The following CNTN6 variants were observed in gnomAD, a reference collection of about 807,000 sequenced individuals.
CNTN6 encodes contactin-6.
A neutral mutation model predicts 122.8 loss-of-function variants in CNTN6; 137 were observed. The observed-to-expected ratio is 1.12, with a 90% CI of 0.97 to 1.29. CNTN6 has a LOEUF of 1.29. CNTN6 is among the 50% of genes most tolerant of loss of function. The probability of loss-of-function intolerance (pLI) is 0.00; values close to 1 mark genes in which losing one functional copy is unlikely to be tolerated. For synonymous variants in CNTN6, 570 were observed against 426.0 expected (o/e 1.34, Z -4.16); for missense variants, 1,634 against 1,223.4 (o/e 1.34, Z -5.01).
At chr3:1,162,161 C>T (rs1053381589) in intron 2 of CNTN6, among the ~76,000 whole-genome samples, 5 of 152,128 alleles carry the variant, frequency 3.3e-5, no homozygotes, top group South Asian at 2.1e-4. Flanking sequence ...ACACACAGAA[C>T]TAAAAACAAC....
intron 2 of CNTN6, among the ~76,000 whole-genome samples, chr3:1,169,015 C>T (rs1391580355): frequency 1.3e-5 from 2 of 152,070 alleles, no homozygotes; most frequent in Non-Finnish European, 2.9e-5. Context: ...GCCAAAGTCA[C>T]TCATCCGTGG....
chr3:1,142,968 G>GTGTGTATATATA (rs1217250181), intron 1 of CNTN6, among the ~76,000 whole-genome samples: 8 of 128,658 alleles, frequency 6.2e-5, no homozygotes, highest in African/African-American at 2.2e-4. Flanking sequence ...GTGTGTGTGT[G>GTGTGTATATATA]TATATATATA....
chr3:1,304,987 C>CAAAAAAAA (rs4065396), intron 7 of CNTN6, among the ~76,000 whole-genome samples: 4 of 103,246 alleles, frequency 3.9e-5, no homozygotes, highest in Non-Finnish European at 5.3e-5. Context: ...GAGACTCTGT[C>CAAAAAAAA]AAAAAAAAAA....
Position 1,318,743 on chromosome 3 carries a change from G to A in CNTN6, c.762-2907G>A, listed in dbSNP as rs373408178. Among the ~76,000 whole-genome samples, 18 of 151,870 alleles carry A rather than the reference G, an allele frequency of 1.2e-4. No individual in the cohort carries two copies. The East Asian group carries it at 1.8e-3, about 15-fold the overall frequency. ...GAGCTGGAGAAGTTATACCCTAGAAGCCAGTCATTTATTGGTTAATGGCTG... is the reference window on the plus strand; with the variant it reads ...GAGCTGGAGAAGTTATACCCTAGAAACCAGTCATTTATTGGTTAATGGCTG... On this transcript the variant is annotated intron_variant, in intron 7 of 22. Transcript: ENST00000446702.
At position 1,337,803 on chromosome 3, in the gene CNTN6, T is replaced by A. The variant is rs79689433; in HGVS notation, c.1364+7868T>A. ...CATGTTGGAGATGTCAAGAGCCATC[T>A]GATAGTCTTGCCTGTTTCACATGAA... is the stretch of plus-strand genomic sequence containing the variant. On this transcript the variant is annotated intron_variant, in intron 11 of 22. Transcript: ENST00000446702. Among the ~76,000 whole-genome samples, 975 of 152,272 alleles carry A rather than the reference T, an allele frequency of 6.4e-3. 6 individuals carry two copies. The highest frequency in any genetic ancestry group is 0.011 in the Non-Finnish European group (779 of 68,016).
At chr3:1,277,198 G>A (rs983007223) in intron 4 of CNTN6, among the ~76,000 whole-genome samples, 1 of 152,074 alleles carries the variant, frequency 6.6e-6, no homozygotes, top group African/African-American at 2.4e-5. Flanking sequence ...ACCACAATTT[G>A]TAAATGATGT....
chr3:1,394,572 T>C (rs1694746711), intron 20 of CNTN6: 1 of 152,322 alleles, frequency 6.6e-6, no homozygotes, highest in Non-Finnish European at 1.5e-5. Flanking sequence ...TTGAAGTCGC[T>C]CTGTATATAT....
chr3:1,172,807 C>G (rs1251456946), intron 2 of CNTN6, among the ~76,000 whole-genome samples: 3 of 152,194 alleles, frequency 2.0e-5, no homozygotes, highest in Non-Finnish European at 4.4e-5. Flanking sequence ...AAGGTTCTAT[C>G]TATAGCCCTG....
intron 17 of CNTN6, 52 bp downstream of exon 17, chr3:1,377,127 A>G (rs765053323): frequency 3.3e-5 from 41 of 1,259,138 alleles, no homozygotes; most frequent in Non-Finnish European, 4.3e-5. Context: ...TTAACTGGCC[A>G]GAAAGAAACT....
chr3:1,338,834 A>G (rs933948646), intron 11 of CNTN6, among the ~76,000 whole-genome samples: 3 of 152,190 alleles, frequency 2.0e-5, no homozygotes, highest in African/African-American at 7.2e-5. Flanking sequence ...ATTTTAAAGT[A>G]TAATGTCCTT....
chr3:1,214,595 C>T (rs1279976756), intron 2 of CNTN6, among the ~76,000 whole-genome samples: 1 of 152,114 alleles, frequency 6.6e-6, no homozygotes, highest in East Asian at 1.9e-4. Flanking sequence ...CATGTGTGAG[C>T]CACTGTGCCC....
chr3:1,325,853 C>G lies in CNTN6; in HGVS notation c.985C>G (p.Leu329Val), dbSNP rs751356436. The G allele has an allele frequency of 6.2e-7, 1 of 1,611,732 alleles. No homozygotes were observed. Among genetic ancestry groups the G allele is most frequent in the Non-Finnish European group, 8.5e-7 (1 of 1,178,700 alleles). ...GGAACAGAAAATCCAAAATACACACCTCTCTATCTATGACAACTTGCTCTG... is the reference window on the plus strand; with the variant it reads ...GGAACAGAAAATCCAAAATACACACGTCTCTATCTATGACAACTTGCTCTG... ...EWEQKIQNTH[L>V]SIYDNLLWEC... is the part of the protein sequence containing the mutation. The change falls in exon 9 of 23, where the codon CTC (leucine) becomes GTC (valine). Residue 329 changes from leucine (L) to valine (V), a missense_variant. Coordinates refer to ENST00000446702, the MANE Select transcript of CNTN6 (RefSeq NM_001289080.2).
At chr3:1,206,552 G>A (rs2093960118) in intron 2 of CNTN6, among the ~76,000 whole-genome samples, 1 of 152,080 alleles carries the variant, frequency 6.6e-6, no homozygotes, top group Admixed American at 6.6e-5. Flanking sequence ...TCAATATAAT[G>A]TAGTATCCCA....
At chr3:1,303,751 CTTG>C (rs996605104) in intron 7 of CNTN6, among the ~76,000 whole-genome samples, 6 of 151,988 alleles carry the variant, frequency 3.9e-5, no homozygotes, top group Non-Finnish European at 7.4e-5. Context: ...CCATAAATGT[CTTG>C]TTGTTGAATG....
chr3:1,287,940 A>G (rs1418924788), intron 5 of CNTN6, among the ~76,000 whole-genome samples: 2 of 152,158 alleles, frequency 1.3e-5, no homozygotes, highest in Non-Finnish European at 2.9e-5. Flanking sequence ...CCAGCTCTGA[A>G]GTAGCCACTG....
At chr3:1,201,092 T>G (rs1325994645) in intron 2 of CNTN6, among the ~76,000 whole-genome samples, 2 of 141,948 alleles carry the variant, frequency 1.4e-5, no homozygotes, top group Admixed American at 1.5e-4. Flanking sequence ...TGTGCCCAGC[T>G]AACATTTTGT....
chr3:1,248,884 A>G (rs1258412383), intron 4 of CNTN6, among the ~76,000 whole-genome samples: 2 of 152,158 alleles, frequency 1.3e-5, no homozygotes, highest in African/African-American at 4.8e-5. Flanking sequence ...TAAATAGTGA[A>G]GCTAGGATTT....
chr3:1,151,144 T>C (rs1051296886), intron 2 of CNTN6, among the ~76,000 whole-genome samples: 1 of 152,198 alleles, frequency 6.6e-6, no homozygotes, highest in African/African-American at 2.4e-5. Flanking sequence ...CCATAACATT[T>C]TTGGTAACTT....
chr3:1,217,620 A>T (rs539688693), intron 2 of CNTN6, among the ~76,000 whole-genome samples: 2 of 152,370 alleles, frequency 1.3e-5, no homozygotes, highest in South Asian at 4.1e-4. Flanking sequence ...TCAAAATGCC[A>T]TAAATTCTGC....
Sources: gnomAD v4.1 joint callset for allele counts (sites outside exome capture counted in the v4.1 genomes callset) on GRCh38, gnomAD v4.1.1 for gene constraint, MANE v1.5 for transcripts, NCBI Gene and HGNC (gene_info 2026-07-23, HGNC 2026-07-21) for gene names.